The following IL1RAPL1 variants were observed in gnomAD, a reference collection of about 807,000 sequenced individuals.
IL1RAPL1 encodes interleukin 1 receptor accessory protein like 1.
IL1RAPL1 carries 3 observed loss-of-function variants against 48.4 expected under a neutral mutation model. The ratio of observed to expected loss-of-function variants is 0.06; its 90% confidence interval spans 0.03 to 0.16. IL1RAPL1 has a LOEUF of 0.16. Ranked by LOEUF, IL1RAPL1 falls within the 10% of genes least tolerant of loss-of-function variation. IL1RAPL1 has a pLI of 1.00. For synonymous variants in IL1RAPL1, 185 were observed against 187.7 expected, an observed-to-expected ratio of 0.99 and a Z score of 0.12; for missense variants, 349 against 530.6, an observed-to-expected ratio of 0.66 and a Z score of 3.36.
At chrX:29,458,161 A>G (rs1381230425) in intron 5 of IL1RAPL1, among the ~76,000 whole-genome samples, 1 of 112,189 alleles carries the variant, frequency 8.9e-6, no homozygotes, top group African/African-American at 3.2e-5. Context: ...TAAGTTCCTT[A>G]TACATTCTGG....
At chrX:29,739,621 A>G (rs1369684173) in intron 6 of IL1RAPL1, among the ~76,000 whole-genome samples, 1 of 112,161 alleles carries the variant, frequency 8.9e-6, no homozygotes, top group Non-Finnish European at 1.9e-5. Context: ...ATTTGCTTTT[A>G]AAATACCTAC....
At chrX:29,591,690 C>T (rs1923376674) in intron 5 of IL1RAPL1, among the ~76,000 whole-genome samples, 1 of 112,671 alleles carries the variant, frequency 8.9e-6, no homozygotes. Context: ...AAGCCCTCTG[C>T]TGTTAGGGAA....
chrX:29,627,387 C>T lies in IL1RAPL1; in HGVS notation c.704-41043C>T, dbSNP rs182341856. On this transcript the variant is annotated intron_variant, in intron 5 of 10. Transcript: ENST00000378993. ...GGTTGGAAAAGCATTGTTTCTGTTT[C>T]CTGTTCATCATATTTAGCTTTTATG... Among the ~76,000 whole-genome samples, 227 of 112,437 alleles carry T rather than the reference C, an allele frequency of 2.0e-3. 2 individuals carry two copies. Among genetic ancestry groups the T allele is most frequent in the Admixed American group, 6.2e-3 (66 of 10,624 alleles).
chrX:29,575,369 G>C (rs1223318224), intron 5 of IL1RAPL1, among the ~76,000 whole-genome samples: 1 of 111,650 alleles, frequency 9.0e-6, no homozygotes, highest in Non-Finnish European at 1.9e-5. Context: ...CCTCAAAAGC[G>C]GGGAAGCCAG....
intron 2 of IL1RAPL1, among the ~76,000 whole-genome samples, chrX:29,209,787 G>A (rs1444559884): frequency 2.7e-5 from 3 of 112,215 alleles, no homozygotes; most frequent in Non-Finnish European, 5.6e-5. Flanking sequence ...CAAAGGGTAT[G>A]TATATACTTA....
chrX:28,750,380 T>G (rs2147245734), intron 1 of IL1RAPL1, among the ~76,000 whole-genome samples: 1 of 112,095 alleles, frequency 8.9e-6, no homozygotes, highest in South Asian at 3.7e-4. Context: ...TGTTTATAAA[T>G]AGCACTAAAA....
intron 5 of IL1RAPL1, among the ~76,000 whole-genome samples, chrX:29,608,768 G>T (rs1351232503): frequency 9.5e-6 from 1 of 105,134 alleles, no homozygotes; most frequent in Non-Finnish European, 1.9e-5. Context: ...GGAGCTTGCA[G>T]TGAGCCGAGA....
At chrX:28,685,672 A>T (rs1194163808) in intron 1 of IL1RAPL1, among the ~76,000 whole-genome samples, 1 of 111,684 alleles carries the variant, frequency 9.0e-6, no homozygotes, top group Non-Finnish European at 1.9e-5. Flanking sequence ...TTTCTCTCTT[A>T]CTGGTACATA....
chrX:28,918,462 C>G (rs1308286694), intron 2 of IL1RAPL1, among the ~76,000 whole-genome samples: 1 of 111,792 alleles, frequency 8.9e-6, no homozygotes, highest in African/African-American at 3.2e-5. Flanking sequence ...CCAATGCCCC[C>G]CATGCAAGAT....
rs1277593727 is a variant in IL1RAPL1, at chrX:29,260,993, CAATA to C, written c.83-21944_83-21941del. ...GTATAGACAGTAAAAATAATATAGTCAATATATATTATATATAATAAATATAGTA... is the reference window on the plus strand; with the variant it reads ...GTATAGACAGTAAAAATAATATAGTCTATATTATATATAATAAATATAGTA... On this transcript the variant is annotated intron_variant, in intron 2 of 10. Coordinates refer to ENST00000378993, the MANE Select transcript of IL1RAPL1 (RefSeq NM_014271.4). 1.1e-3 allele frequency among the ~76,000 whole-genome samples: 121 copies of C among 106,015 alleles called. 2 individuals are homozygous for C. Among genetic ancestry groups the C allele is most frequent in the Non-Finnish European group, 8.1e-4 (42 of 51,774 alleles). 92.1% of individuals were successfully genotyped at this position (106,015 alleles called of 115,157 possible).
At chrX:29,651,548 G>A (rs1262270532) in intron 5 of IL1RAPL1, among the ~76,000 whole-genome samples, 1 of 111,608 alleles carries the variant, frequency 9.0e-6, no homozygotes, top group Admixed American at 9.5e-5. Context: ...TGATCACACT[G>A]ACGTATGGAA....
intron 2 of IL1RAPL1, among the ~76,000 whole-genome samples, chrX:29,061,992 CT>C (rs1417089522): frequency 8.9e-6 from 1 of 112,089 alleles, no homozygotes; most frequent in Non-Finnish European, 1.9e-5. Flanking sequence ...TGAAATTTAG[CT>C]ATTTAATATC....
At chrX:28,729,798 C>T (rs749035657) in intron 1 of IL1RAPL1, among the ~76,000 whole-genome samples, 83 of 110,363 alleles carry the variant, frequency 7.5e-4, no homozygotes, top group Middle Eastern at 4.7e-3. Flanking sequence ...GAGATTGAGA[C>T]CATCCTGGCC....
intron 5 of IL1RAPL1, among the ~76,000 whole-genome samples, chrX:29,650,206 G>C (rs183151851): frequency 9.0e-6 from 1 of 111,683 alleles, no homozygotes; most frequent in Admixed American, 9.5e-5. Flanking sequence ...ACTACTCAAA[G>C]TGATCTACAG....
At chrX:29,585,528 G>A (rs2147806455) in intron 5 of IL1RAPL1, among the ~76,000 whole-genome samples, 1 of 111,570 alleles carries the variant, frequency 9.0e-6, no homozygotes, top group East Asian at 2.8e-4. Context: ...CCTTTTCTTT[G>A]AATAAATACC....
chrX:29,955,669 A>G lies in IL1RAPL1; in HGVS notation c.1940A>G (p.His647Arg), dbSNP rs747906578. 9 of 1,211,809 alleles carry G rather than the reference A, an allele frequency of 7.4e-6. No homozygotes were observed. The highest frequency in any genetic ancestry group is 1.0e-5 in the Non-Finnish European group (9 of 895,440). ...CCTCTTACCTCCATAGGCAATCAGC[A>G]TACCTACTGTAACATCCCTATGACA... The part of the protein sequence containing the change: ...TLPLTSIGNQ[H>R]TYCNIPMTLI... The change falls in exon 11 of 11, where the codon CAT becomes CGT. Residue 647 changes from histidine (H) to arginine (R), a missense_variant. Around this residue, in one of 3 missense-constraint regions of IL1RAPL1, gnomAD observed 65 missense variants for 79.6 expected, o/e 0.82. Coordinates refer to ENST00000378993, the MANE Select transcript of IL1RAPL1 (RefSeq NM_014271.4).
At chrX:28,756,722 C>T (rs1936109696) in intron 1 of IL1RAPL1, among the ~76,000 whole-genome samples, 1 of 111,863 alleles carries the variant, frequency 8.9e-6, no homozygotes, top group South Asian at 3.7e-4. Flanking sequence ...TTGGAACTTA[C>T]ATCAAACTTC....
intron 5 of IL1RAPL1, among the ~76,000 whole-genome samples, chrX:29,461,980 A>C (rs1189668055): frequency 8.9e-6 from 1 of 111,974 alleles, no homozygotes; most frequent in Non-Finnish European, 1.9e-5. Context: ...CATTAAACTG[A>C]ACATGTAAAA....
At chrX:29,036,782 A>G (rs1051657837) in intron 2 of IL1RAPL1, among the ~76,000 whole-genome samples, 2 of 111,278 alleles carry the variant, frequency 1.8e-5, no homozygotes, top group African/African-American at 3.3e-5. Context: ...ATACAGGTCA[A>G]TTTTTAAAAT....
Sources: gnomAD v4.1 joint callset for allele counts (sites outside exome capture counted in the v4.1 genomes callset) on GRCh38, gnomAD v4.1.1 for gene constraint, gnomAD v4.1.1 regional missense constraint, MANE v1.5 for transcripts, NCBI Gene and HGNC (gene_info 2026-07-23, HGNC 2026-07-21) for gene names.